Variants in FAM114A2 observed in about 807,000 individuals in gnomAD.
FAM114A2 encodes the protein family with sequence similarity 114 member A2, also known as protein FAM114A2.
FAM114A2 carries 53 observed loss-of-function variants against 58.4 expected under a neutral mutation model. The observed-to-expected ratio is 0.91, with a 90% CI of 0.73 to 1.14. FAM114A2 has a LOEUF of 1.14. FAM114A2 is among the 50% of genes most tolerant of loss of function. The pLI, the probability that FAM114A2 is intolerant of heterozygous loss-of-function variation, is 0.00. For missense variants in FAM114A2, 601 were observed against 581.1 expected (o/e 1.03, Z -0.35); for synonymous variants, 228 against 211.4 (o/e 1.08, Z -0.68).
Position 153,997,679 on chromosome 5 carries a change from T to C in FAM114A2, c.1329+124A>G, listed in dbSNP as rs1193148813. On this transcript the variant is annotated intron_variant, in intron 12 of 13. Coordinates refer to ENST00000351797, the MANE Select transcript of FAM114A2 (RefSeq NM_018691.4). ...TAGACTATGGAAATGGCCGCGCAAC[T>C]CTGTAAATATACTAAAAACTAAAAA... 4.6e-6 allele frequency: 3 copies of C among 650,694 alleles called. No individual in the cohort carries two copies. The African/African-American group carries it at 5.6e-5, about 12-fold the overall frequency. The allele number at this position is 650,694 out of a possible 1,614,324, so 40.3% of individuals were successfully genotyped here.
At position 154,028,242 on chromosome 5, in the gene FAM114A2, G is replaced by T. The variant is rs754280437; in HGVS notation, c.537C>A (p.Phe179Leu). 3 of 1,608,524 alleles carry T rather than the reference G, an allele frequency of 1.9e-6. No individual in the cohort carries two copies. The highest frequency in any genetic ancestry group is 2.6e-6 in the Non-Finnish European group (3 of 1,175,738). The change falls in exon 6 of 14, where the codon TTC becomes TTA. Residue 179 changes from phenylalanine to leucine, a missense_variant. Phe to Leu is a conservative substitution (Grantham distance 22). Transcript: ENST00000351797. Reference sequence around the variant, plus strand: ...TCACATCCATTGTCTTTTTTCCAATGAATTCTAAGGCATCCAAACCCCCAC... The same window carrying T: ...TCACATCCATTGTCTTTTTTCCAATTAATTCTAAGGCATCCAAACCCCCAC... ...VISGGLDALE[F>L]IGKKTMDVIA...
chr5:154,033,900 C>CTTTTTTT lies in FAM114A2; in HGVS notation c.311-24_311-18dup. 1 of 1,406,362 alleles carries CTTTTTTT rather than the reference C, an allele frequency of 7.1e-7. No individual in the cohort carries two copies. The highest frequency in any genetic ancestry group is 9.7e-7 in the Non-Finnish European group (1 of 1,029,006). The allele number at this position is 1,406,362 out of a possible 1,614,324, so 87.1% of individuals were successfully genotyped here. ...TGCCTTGTCCTAATGAGAAAAATAA[C>CTTTTTTT]TTTTTTTTTTGCTATTTGTCACCAA... is the stretch of plus-strand genomic sequence containing the variant. On this transcript the variant is annotated splice_polypyrimidine_tract_variant and intron_variant, in intron 3 of 13. Transcript: ENST00000351797.
chr5:154,008,894 C>A (rs1429699498), intron 9 of FAM114A2, among the ~76,000 whole-genome samples: 2 of 151,994 alleles, frequency 1.3e-5, no homozygotes, highest in Admixed American at 1.3e-4. Context: ...AAGGGAGATA[C>A]AAATGTGTAA....
chr5:154,011,124 C>T (rs746485719), intron 9 of FAM114A2, 117 bp downstream of exon 9: 2 of 747,960 alleles, frequency 2.7e-6, no homozygotes, highest in East Asian at 2.6e-5. Flanking sequence ...CTGGGTATAA[C>T]GAGAATATAC....
rs1561542047 is a variant in FAM114A2 at position 153,999,936 on chromosome 5, T to C, written c.1257-2061A>G. Among the ~76,000 whole-genome samples, 2 of 152,162 alleles carry C rather than the reference T, an allele frequency of 1.3e-5. 1 individual carries two copies. The highest frequency in any genetic ancestry group is 2.9e-5 in the Non-Finnish European group (2 of 68,022). The stretch of plus-strand genomic sequence containing the variant: ...TGTGGTGTGTATGCGTGTGTGTGTA[T>C]ATATGTATGTGTGTGTATATATATG... On this transcript the variant is annotated intron_variant, in intron 11 of 13. Coordinates refer to ENST00000351797, the MANE Select transcript of FAM114A2 (RefSeq NM_018691.4).
chr5:154,027,300 C>A lies in FAM114A2; in HGVS notation c.665G>T (p.Arg222Leu). 6.2e-7 allele frequency: 1 copy of A among 1,612,962 alleles called. No homozygotes were observed. Residue 222 changes from arginine to leucine, a missense_variant, in exon 7 of 14, where the codon CGG (arginine) becomes CTG (leucine). Coordinates refer to ENST00000351797, the MANE Select transcript of FAM114A2 (RefSeq NM_018691.4). The stretch of plus-strand genomic sequence containing the variant: ...TTCCACGGTAACCTCATTGGAGGTC[C>A]GTATCTCTTCTTTCTCCTTCGCCTC... ...LREAKEKEEI[R>L]TSNEVTVETD... is the part of the protein sequence containing the mutation.
intron 6 of FAM114A2, 169 bp from the exon 7 acceptor site, chr5:154,027,503 C>G (rs1050640620): frequency 2.0e-6 from 1 of 489,872 alleles, no homozygotes; most frequent in African/African-American, 2.0e-5. Flanking sequence ...GAAAGAAAAA[C>G]GATCACACAT....
intron 9 of FAM114A2, among the ~76,000 whole-genome samples, chr5:154,008,407 T>G (rs1487679241): frequency 6.6e-6 from 1 of 152,122 alleles, no homozygotes; most frequent in African/African-American, 2.4e-5. Flanking sequence ...GTAGTACAGG[T>G]CAAGTATCCC....
chr5:154,001,720 A>G (rs9324762), intron 11 of FAM114A2, among the ~76,000 whole-genome samples: 99,069 of 152,026 alleles, frequency 0.65, 32,648 homozygotes, highest in East Asian at 0.88. Flanking sequence ...ATCAGCAATA[A>G]AATGAGAAAA....
intron 8 of FAM114A2, among the ~76,000 whole-genome samples, chr5:154,021,514 G>T (rs1218098200): frequency 6.6e-6 from 1 of 152,170 alleles, no homozygotes; most frequent in African/African-American, 2.4e-5. Context: ...CAGACAAACA[G>T]AGAGCCAAAT....
chr5:154,001,617 A>G (rs1769978292), intron 11 of FAM114A2, among the ~76,000 whole-genome samples: 1 of 152,192 alleles, frequency 6.6e-6, no homozygotes, highest in Non-Finnish European at 1.5e-5. Flanking sequence ...GAAAATTCTC[A>G]TTATTTTAAT....
chr5:154,003,033 AC>A, intron 9 of FAM114A2, 64 bp from the exon 10 acceptor site: 2 of 1,454,390 alleles, frequency 1.4e-6, no homozygotes, highest in Non-Finnish European at 1.9e-6. Context: ...CTGTGCACCT[AC>A]CAGGAACACA....
chr5:154,017,794 A>G (rs1257700522), intron 8 of FAM114A2, among the ~76,000 whole-genome samples: 1 of 152,206 alleles, frequency 6.6e-6, no homozygotes, highest in African/African-American at 2.4e-5. Flanking sequence ...AAACCATGCA[A>G]ATACATCGAA....
At chr5:154,002,442 G>A in intron 10 of FAM114A2, 52 bp from the exon 11 acceptor site, 1 of 1,571,328 alleles carries the variant, frequency 6.4e-7, no homozygotes, top group Non-Finnish European at 8.8e-7. Flanking sequence ...TTGGTGGAAA[G>A]ATACCACCTT....
Position 154,026,417 on chromosome 5 carries a change from C to T in FAM114A2, c.895G>A (p.Glu299Lys), listed in dbSNP as rs144331415. The T allele has an allele frequency of 6.3e-7, 1 of 1,579,350 alleles. No homozygotes were observed. Among genetic ancestry groups the T allele is most frequent in the Non-Finnish European group, 8.6e-7 (1 of 1,166,012 alleles). ...ATATTACCTTTTTTCTCTTCTTCCT[C>T]TTCTTCACAAAATTCTGCTAGAGAA... ...TFSLAEFCEE[E>K]EEEKKGDEDF... Residue 299 changes from glutamate to lysine, a missense_variant, in exon 8 of 14, where the codon GAG becomes AAG. Physicochemically the swap from Glu to Lys is moderately conservative, Grantham distance 56. Transcript: ENST00000351797.
chr5:154,003,177 GTATTTT>G (rs988694271), intron 9 of FAM114A2, among the ~76,000 whole-genome samples: 3 of 134,882 alleles, frequency 2.2e-5, no homozygotes, highest in African/African-American at 8.2e-5. Flanking sequence ...CTAATTGGTA[GTATTTT>G]TTTTTTTTTT....
At chr5:154,021,986 A>G (rs1238526965) in intron 8 of FAM114A2, among the ~76,000 whole-genome samples, 1 of 152,036 alleles carries the variant, frequency 6.6e-6, no homozygotes, top group Non-Finnish European at 1.5e-5. Flanking sequence ...CAGAAATAAC[A>G]TCACACATCT....
chr5:154,025,977 T>C (rs1459063741), intron 8 of FAM114A2, among the ~76,000 whole-genome samples: 3 of 152,226 alleles, frequency 2.0e-5, no homozygotes, highest in African/African-American at 7.2e-5. Flanking sequence ...ACTGCCATCC[T>C]GCATGCTTCA....
intron 12 of FAM114A2, among the ~76,000 whole-genome samples, chr5:153,995,951 A>G (rs1233341781): frequency 6.6e-6 from 1 of 152,206 alleles, no homozygotes; most frequent in African/African-American, 2.4e-5. Flanking sequence ...CAAGGTCTAT[A>G]TTTCCATTAT....
Sources: allele counts gnomAD v4.1 joint callset (sites outside exome capture counted in the v4.1 genomes callset), GRCh38; gene constraint gnomAD v4.1.1; transcripts MANE v1.5; gene names NCBI Gene and HGNC (gene_info 2026-07-23, HGNC 2026-07-21).